Variants in AMD1 observed in about 807,000 individuals in gnomAD.
AMD1 encodes adenosylmethionine decarboxylase 1.
AMD1 carries 11 observed loss-of-function variants against 40.2 expected under a neutral mutation model. The observed-to-expected ratio is 0.27, with a 90% CI of 0.17 to 0.45. The LOEUF (loss-of-function observed/expected upper bound fraction) is 0.45. AMD1 is among the 20% of genes least tolerant of loss of function. The probability of loss-of-function intolerance (pLI) is 1.00; values close to 1 mark genes in which losing one functional copy is unlikely to be tolerated. For synonymous variants in AMD1, 121 were observed against 130.8 expected (o/e 0.93, Z 0.51); for missense variants, 257 against 410.2 (o/e 0.63, Z 3.23).
rs1184519608 is a variant in AMD1, at chr6:110,875,270, G to A, written c.110+55G>A. 5.7e-6 allele frequency: 8 copies of A among 1,400,578 alleles called. No individual in the cohort carries two copies. In the South Asian group the frequency reaches 6.1e-5, roughly 11 times the overall value. The allele number at this position is 1,400,578 out of a possible 1,614,324, so 86.8% of individuals were successfully genotyped here. ...GGGCCTGGGGGCTGTCGCCGCCGCCGAGGCACCAGCCACGGGTGGAGCCCG... is the reference window on the plus strand; with the variant it reads ...GGGCCTGGGGGCTGTCGCCGCCGCCAAGGCACCAGCCACGGGTGGAGCCCG... On this transcript the variant is annotated intron_variant, in intron 1 of 8. Transcript: ENST00000368885.
chr6:110,858,299 C>G, the AMD1 span: 1 of 891,072 alleles, frequency 1.1e-6, no homozygotes, highest in African/African-American at 1.7e-5. Context: ...GATCAAGAAC[C>G]GGCTCCTGTG....
chr6:110,834,591 G>A, the AMD1 span, among the ~76,000 whole-genome samples: 6 of 152,104 alleles, frequency 3.9e-5, no homozygotes, highest in Non-Finnish European at 5.9e-5. Context: ...GGAAGGCCAA[G>A]GCAGGAAGAT....
chr6:110,883,962 CAGAG>C (rs1258630027), intron 1 of AMD1, among the ~76,000 whole-genome samples: 2 of 152,080 alleles, frequency 1.3e-5, no homozygotes, highest in Non-Finnish European at 2.9e-5. Context: ...CAGGCATTGT[CAGAG>C]AGATTATGGA....
the AMD1 span, among the ~76,000 whole-genome samples, chr6:110,822,942 C>T: frequency 6.6e-6 from 1 of 151,972 alleles, no homozygotes; most frequent in Non-Finnish European, 1.5e-5. Flanking sequence ...ATGGAGAAAC[C>T]CTGTCTCTAC....
chr6:110,865,047 G>A, the AMD1 span, among the ~76,000 whole-genome samples: 1 of 152,204 alleles, frequency 6.6e-6, no homozygotes, highest in Non-Finnish European at 1.5e-5. Flanking sequence ...AGCTGTTGAA[G>A]TAGGAGAAAG....
chr6:110,837,172 CAAAAAA>C, the AMD1 span, among the ~76,000 whole-genome samples: 1 of 23,874 alleles, frequency 4.2e-5, no homozygotes, highest in Non-Finnish European at 7.8e-5. Context: ...CAGAGCGTCT[CAAAAAA>C]AAAAAAAAAA....
chr6:110,821,011 A>AT, the AMD1 span, among the ~76,000 whole-genome samples: 7 of 152,222 alleles, frequency 4.6e-5, no homozygotes, highest in African/African-American at 1.7e-4. Context: ...GTGGTGTTTA[A>AT]TTTTCAGTGT....
chr6:110,858,282 C>A, the AMD1 span: 1 of 911,484 alleles, frequency 1.1e-6, no homozygotes, highest in Non-Finnish European at 1.7e-6. Context: ...TACGGGCTGT[C>A]AGCCGAGATC....
chr6:110,863,931 G>T, the AMD1 span: 1 of 484,998 alleles, frequency 2.1e-6, no homozygotes. Flanking sequence ...AAAACATGAA[G>T]GCCAAAAACA....
At chr6:110,876,553 T>C (rs566981719) in intron 1 of AMD1, among the ~76,000 whole-genome samples, 1 of 152,122 alleles carries the variant, frequency 6.6e-6, no homozygotes. Context: ...TTTCTAGCAG[T>C]GTATCTTGAA....
At chr6:110,842,726 G>A in the AMD1 span, among the ~76,000 whole-genome samples, 5 of 152,066 alleles carry the variant, frequency 3.3e-5, no homozygotes, top group South Asian at 8.3e-4. Flanking sequence ...TTGGTCTTAG[G>A]TTGGTAGTGC....
rs1293949286 is a variant in AMD1 at position 110,893,720 on chromosome 6, G to A, written c.*104G>A. ...GGCAGTGCTTTCCATAACCACCACT[G>A]TGTAGTTGCAGAAAGCCCTAGATGT... On this transcript the variant is annotated 3_prime_UTR_variant, in exon 9 of 9. Transcript: ENST00000368885. 6.9e-6 allele frequency: 9 copies of A among 1,295,696 alleles called. No homozygotes were observed. Among genetic ancestry groups the A allele is most frequent in the South Asian group, 1.4e-5 (1 of 72,594 alleles). 80.3% of individuals were successfully genotyped at this position (1,295,696 alleles called of 1,614,324 possible).
chr6:110,862,167 C>A, the AMD1 span, among the ~76,000 whole-genome samples: 2 of 151,552 alleles, frequency 1.3e-5, no homozygotes, highest in East Asian at 1.9e-4. Flanking sequence ...TGCCACCATA[C>A]TTCGCTAATT....
intron 1 of AMD1, among the ~76,000 whole-genome samples, chr6:110,877,476 C>T (rs547386950): frequency 3.3e-5 from 5 of 152,314 alleles, no homozygotes; most frequent in African/African-American, 1.2e-4. Flanking sequence ...TGGGGCCAGC[C>T]CCAGAGACCC....
At chr6:110,819,114 T>C in the AMD1 span, among the ~76,000 whole-genome samples, 1 of 152,092 alleles carries the variant, frequency 6.6e-6, no homozygotes, top group Non-Finnish European at 1.5e-5. Flanking sequence ...TCCCACCACT[T>C]TGGGAGGCCG....
the AMD1 span, chr6:110,858,915 C>T: frequency 2.2e-5 from 20 of 904,976 alleles, no homozygotes; most frequent in African/African-American, 2.6e-4. Context: ...GCTCCGGGAC[C>T]CGGTTGACAC....
chr6:110,848,250 G>C, the AMD1 span, among the ~76,000 whole-genome samples: 173 of 151,950 alleles, frequency 1.1e-3, 1 homozygote, highest in African/African-American at 4.0e-3. Context: ...AGCTGGGCTC[G>C]GTGGCTCATG....
chr6:110,858,839 A>C, the AMD1 span: 11 of 780,268 alleles, frequency 1.4e-5, no homozygotes, highest in Non-Finnish European at 2.6e-5. Context: ...CCTGCCCCCC[A>C]TGGACAACTT....
intron 1 of AMD1, among the ~76,000 whole-genome samples, chr6:110,878,305 A>G (rs1454971291): frequency 6.6e-6 from 1 of 152,212 alleles, no homozygotes; most frequent in African/African-American, 2.4e-5. Context: ...GTGAGGGAAT[A>G]CACTTTAAAC....
Sources: gnomAD v4.1 joint callset for allele counts (sites outside exome capture counted in the v4.1 genomes callset) on GRCh38, gnomAD v4.1.1 for gene constraint, MANE v1.5 for transcripts, NCBI Gene and HGNC (gene_info 2026-07-23, HGNC 2026-07-21) for gene names.